SYT1: variants seen among roughly 807,000 people sequenced by gnomAD.
SYT1 encodes synaptotagmin-1.
Under a neutral mutation model 44.8 loss-of-function variants are expected in SYT1, and 8 were observed. That is an observed-to-expected ratio of 0.18 (90% CI 0.10 to 0.32). The LOEUF (loss-of-function observed/expected upper bound fraction) is 0.32. Ranked by LOEUF, SYT1 falls within the 10% of genes least tolerant of loss-of-function variation. The probability of loss-of-function intolerance (pLI) is 1.00; values close to 1 mark genes in which losing one functional copy is unlikely to be tolerated. For missense variants in SYT1, 286 were observed against 509.3 expected, an observed-to-expected ratio of 0.56 and a Z score of 4.22; for synonymous variants, 154 against 188.8, an observed-to-expected ratio of 0.82 and a Z score of 1.51.
intron 8 of SYT1, among the ~76,000 whole-genome samples, chr12:79,315,255 G>A (rs889241057): frequency 6.6e-6 from 1 of 151,914 alleles, no homozygotes; most frequent in Middle Eastern, 3.4e-3. Context: ...TTGTCACCCA[G>A]ACCAGTGTAC....
chr12:79,072,684 C>G (rs929194916), intron 3 of SYT1, among the ~76,000 whole-genome samples: 4 of 152,016 alleles, frequency 2.6e-5, no homozygotes, highest in African/African-American at 9.7e-5. Context: ...TCCATGACAG[C>G]AAGAGACTCT....
intron 4 of SYT1, among the ~76,000 whole-genome samples, chr12:79,269,149 T>C (rs1429454211): frequency 6.6e-6 from 1 of 151,982 alleles, no homozygotes; most frequent in East Asian, 1.9e-4. Flanking sequence ...CTGGGCTCAA[T>C]GTTTTCATAC....
At chr12:79,018,501 A>T (rs545720152) in intron 2 of SYT1, among the ~76,000 whole-genome samples, 7 of 152,226 alleles carry the variant, frequency 4.6e-5, no homozygotes, top group East Asian at 3.9e-4. Flanking sequence ...ATAATAATAA[A>T]AAATTGTATA....
chr12:79,406,155 T>C (rs1885236335), intron 9 of SYT1, among the ~76,000 whole-genome samples: 1 of 152,130 alleles, frequency 6.6e-6, no homozygotes, highest in Non-Finnish European at 1.5e-5. Context: ...TGGATCCTCT[T>C]ATGATGGCTT....
chr12:78,963,125 A>G (rs555382107), intron 1 of SYT1, among the ~76,000 whole-genome samples: 5 of 152,194 alleles, frequency 3.3e-5, no homozygotes, highest in African/African-American at 1.2e-4. Context: ...ATGTCGCTGT[A>G]TATTATAGGA....
intron 9 of SYT1, among the ~76,000 whole-genome samples, chr12:79,390,773 G>A (rs10861968): frequency 0.19 from 29,318 of 151,976 alleles, 3,262 homozygotes; most frequent in East Asian, 0.49. Flanking sequence ...TTCTCATCTA[G>A]CATTGTTTAA....
In SYT1 at chr12:79,449,907, TAAC is replaced by T. The variant is rs1280700035; in HGVS notation, c.*789_*791del. The stretch of plus-strand genomic sequence containing the variant: ...TGATTTCATATTACTGCATATAGAA[TAAC>T]AACAAGGTGTTCCGTGTGTGTGTGT... On this transcript the variant is annotated 3_prime_UTR_variant, in exon 11 of 11. Coordinates refer to ENST00000261205, the MANE Select transcript of SYT1 (RefSeq NM_005639.3). The T allele has an allele frequency of 6.9e-6, 1 of 145,692 alleles. No individual in the cohort carries two copies. Among genetic ancestry groups the T allele is most frequent in the African/African-American group, 2.6e-5 (1 of 38,886 alleles). 9.0% of individuals were successfully genotyped at this position (145,692 alleles called of 1,614,324 possible).
At chr12:79,408,018 A>G (rs934524727) in intron 9 of SYT1, among the ~76,000 whole-genome samples, 2 of 152,146 alleles carry the variant, frequency 1.3e-5, no homozygotes, top group Admixed American at 6.6e-5. Context: ...CCTTAAATGC[A>G]TGGGGAATAT....
intron 8 of SYT1, among the ~76,000 whole-genome samples, chr12:79,307,638 G>A (rs557804381): frequency 7.8e-6 from 1 of 128,420 alleles, no homozygotes; most frequent in Non-Finnish European, 1.7e-5. Flanking sequence ...GGGGGGGCGT[G>A]GGGGGGGGCG....
chr12:79,117,676 T>TATAC lies in SYT1; in HGVS notation c.-18+70317_-18+70318insCATA, dbSNP rs1186541808. On this transcript the variant is annotated intron_variant, in intron 3 of 10. Coordinates refer to ENST00000261205, the MANE Select transcript of SYT1 (RefSeq NM_005639.3). ...GTGTATTACATCATATATATATATA[T>TATAC]ATATATATATATATATATATATATA... is the stretch of plus-strand genomic sequence containing the variant. Among the ~76,000 whole-genome samples the TATAC allele has an allele frequency of 1.1e-4, 7 of 63,046 alleles. No individual in the cohort carries two copies. In the East Asian group the frequency reaches 3.4e-3, roughly 31 times the overall value. 41.4% of individuals were successfully genotyped at this position (63,046 alleles called of 152,430 possible).
At chr12:79,326,305 G>C (rs775886033) in intron 8 of SYT1, among the ~76,000 whole-genome samples, 2 of 152,084 alleles carry the variant, frequency 1.3e-5, no homozygotes, top group Admixed American at 6.6e-5. Context: ...ATATTAACAC[G>C]CCTTTGTGAG....
chr12:79,245,611 A>AG (rs1876805471), intron 4 of SYT1, among the ~76,000 whole-genome samples: 1 of 152,142 alleles, frequency 6.6e-6, no homozygotes, highest in African/African-American at 2.4e-5. Context: ...AAAAAGAAAA[A>AG]GAACACAGAA....
intron 9 of SYT1, among the ~76,000 whole-genome samples, chr12:79,384,987 A>ATTTTT (rs3067387): frequency 6.9e-5 from 9 of 129,896 alleles, no homozygotes; most frequent in Non-Finnish European, 1.1e-4. Context: ...GGACCACTGG[A>ATTTTT]TTTTTTTTTT....
At chr12:79,027,221 T>C (rs140931611) in intron 2 of SYT1, among the ~76,000 whole-genome samples, 6 of 151,576 alleles carry the variant, frequency 4.0e-5, no homozygotes, top group African/African-American at 1.5e-4. Context: ...TGGTTTCTGC[T>C]GAAATATCTT....
intron 3 of SYT1, among the ~76,000 whole-genome samples, chr12:79,091,951 A>G (rs553043842): frequency 1.3e-5 from 2 of 152,118 alleles, no homozygotes; most frequent in Admixed American, 1.3e-4. Flanking sequence ...CTCATTTTCA[A>G]TTTTGCTTTG....
At chr12:79,059,200 C>T (rs1202556156) in intron 3 of SYT1, among the ~76,000 whole-genome samples, 10 of 152,004 alleles carry the variant, frequency 6.6e-5, no homozygotes, top group Non-Finnish European at 1.2e-4. Flanking sequence ...ATGGGAAAGA[C>T]GCCCCCATAA....
chr12:79,339,189 T>C (rs1365726603), intron 8 of SYT1, among the ~76,000 whole-genome samples: 1 of 152,196 alleles, frequency 6.6e-6, no homozygotes, highest in East Asian at 1.9e-4. Context: ...TACCCAGTAA[T>C]GGGATGGCTG....
intron 4 of SYT1, among the ~76,000 whole-genome samples, chr12:79,224,369 A>G (rs1875359220): frequency 6.6e-6 from 1 of 152,216 alleles, no homozygotes; most frequent in Non-Finnish European, 1.5e-5. Flanking sequence ...GAAAAATATA[A>G]TAGTGTAAAT....
intron 3 of SYT1, among the ~76,000 whole-genome samples, chr12:79,104,355 G>A (rs551040963): frequency 9.2e-5 from 14 of 152,160 alleles, no homozygotes; most frequent in African/African-American, 3.4e-4. Flanking sequence ...TTAGGAGGGA[G>A]AGGGATTTTT....
Sources: gnomAD v4.1 joint callset for allele counts (sites outside exome capture counted in the v4.1 genomes callset) on GRCh38, gnomAD v4.1.1 for gene constraint, MANE v1.5 for transcripts, NCBI Gene and HGNC (gene_info 2026-07-23, HGNC 2026-07-21) for gene names.